NFIA: variants seen among roughly 807,000 people sequenced by gnomAD.
NFIA encodes nuclear factor 1 A-type.
Under a neutral mutation model 62.8 loss-of-function variants are expected in NFIA, and 8 were observed. The ratio of observed to expected loss-of-function variants is 0.13; its 90% CI spans 0.07 to 0.23. The LOEUF (loss-of-function observed/expected upper bound fraction) is 0.23, where lower values mean the gene tolerates loss of function less well. Ranked by LOEUF, NFIA falls within the 10% of genes least tolerant of loss-of-function variation. NFIA has a pLI of 1.00. For synonymous variants in NFIA, 235 were observed against 238.1 expected (o/e 0.99, Z 0.12); for missense variants, 410 against 642.1 (o/e 0.64, Z 3.91).
chr1:61,397,011 AAATAAT>A (rs1553181921), intron 7 of NFIA, among the ~76,000 whole-genome samples: 1 of 151,568 alleles, frequency 6.6e-6, no homozygotes, highest in Non-Finnish European at 1.5e-5. Context: ...CCAAAAAAAA[AAATAAT>A]AATAATAATG....
intron 10 of NFIA, 138 bp from the exon 11 acceptor site, chr1:61,455,165 G>T: frequency 1.3e-6 from 1 of 743,922 alleles, no homozygotes; most frequent in Admixed American, 2.6e-5. Flanking sequence ...TTTATTGTCT[G>T]TCGTGCCTTT....
At chr1:61,317,831 A>G (rs1660450793) in intron 3 of NFIA, among the ~76,000 whole-genome samples, 1 of 152,190 alleles carries the variant, frequency 6.6e-6, no homozygotes, top group South Asian at 2.1e-4. Flanking sequence ...TCATTTTTTG[A>G]ACACATTCTG....
At chr1:61,345,647 T>C (rs969067075) in intron 4 of NFIA, among the ~76,000 whole-genome samples, 2 of 152,048 alleles carry the variant, frequency 1.3e-5, no homozygotes, top group African/African-American at 4.8e-5. Flanking sequence ...AGCATTAGAT[T>C]CTCCTAGGAA....
chr1:61,145,019 T>G (rs773260563), intron 2 of NFIA, among the ~76,000 whole-genome samples: 1 of 152,188 alleles, frequency 6.6e-6, no homozygotes, highest in Non-Finnish European at 1.5e-5. Context: ...GCCTTCCCCT[T>G]TACCTCTTAA....
chr1:61,269,921 C>T (rs1174326482), intron 2 of NFIA, among the ~76,000 whole-genome samples: 1 of 152,180 alleles, frequency 6.6e-6, no homozygotes, highest in South Asian at 2.1e-4. Flanking sequence ...TACTTCCTGG[C>T]TTAGACAAAG....
chr1:61,245,740 G>A (rs1030872020), intron 2 of NFIA, among the ~76,000 whole-genome samples: 1 of 151,790 alleles, frequency 6.6e-6, no homozygotes, highest in Non-Finnish European at 1.5e-5. Flanking sequence ...TCCTCTCTGT[G>A]TATCTACTTC....
At chr1:61,178,816 G>A (rs75453241) in intron 2 of NFIA, among the ~76,000 whole-genome samples, 23,596 of 152,180 alleles carry the variant, frequency 0.16, 2,762 homozygotes, top group African/African-American at 0.31. Context: ...AAGGTTTTGA[G>A]TGCAAGTATT....
chr1:61,226,385 C>T (rs1478707792), intron 2 of NFIA, among the ~76,000 whole-genome samples: 2 of 152,176 alleles, frequency 1.3e-5, no homozygotes, highest in East Asian at 3.8e-4. Flanking sequence ...CAAAATGTAT[C>T]TGCTGTCCAC....
chr1:61,247,230 C>T (rs987721969), intron 2 of NFIA, among the ~76,000 whole-genome samples: 20 of 152,186 alleles, frequency 1.3e-4, no homozygotes, highest in African/African-American at 4.3e-4. Context: ...AACCCAAGTT[C>T]ATCACCTGAA....
intron 4 of NFIA, among the ~76,000 whole-genome samples, chr1:61,344,163 C>G (rs115355842): frequency 0.018 from 2,762 of 152,226 alleles, 75 homozygotes; most frequent in African/African-American, 0.06. Flanking sequence ...AATTACTTTC[C>G]AAGTTAATTC....
At position 61,088,644 on chromosome 1, in the gene NFIA, C is replaced by T. The variant is rs374849949; in HGVS notation, c.523C>T (p.Leu175Phe). The T allele has an allele frequency of 1.3e-4, 206 of 1,613,716 alleles. No individual in the cohort carries two copies. Among genetic ancestry groups the T allele is most frequent in the Non-Finnish European group, 1.7e-4 (197 of 1,179,894 alleles). The change falls in exon 2 of 11, where the codon CTC (leucine) becomes TTC (phenylalanine). Residue 175 changes from leucine to phenylalanine, a missense_variant. Leu to Phe is a conservative substitution (Grantham distance 22). Transcript: ENST00000403491. This position sits in a 1 kb window ranked among gnomAD's most constrained non-coding sequence, Gnocchi z 4.5. ...PHHIGVSVKE[L>F]DLYLAYFVHA... ...TCACATAGGGGTTTCTGTTAAGGAACTCGATTTATATTTGGCATACTTTGT... is the reference window on the plus strand; with the variant it reads ...TCACATAGGGGTTTCTGTTAAGGAATTCGATTTATATTTGGCATACTTTGT...
At chr1:61,306,353 G>A (rs182556971) in intron 3 of NFIA, among the ~76,000 whole-genome samples, 3 of 127,932 alleles carry the variant, frequency 2.3e-5, no homozygotes, top group Non-Finnish European at 3.1e-5. Flanking sequence ...CTCTGCTCAC[G>A]CAACCTCCCC....
chr1:61,127,259 C>A (rs1646992079), intron 2 of NFIA, among the ~76,000 whole-genome samples: 1 of 151,558 alleles, frequency 6.6e-6, no homozygotes. Flanking sequence ...AGATCGAGAC[C>A]ATCCTGGCTA....
At chr1:61,262,536 G>T (rs1471766591) in intron 2 of NFIA, among the ~76,000 whole-genome samples, 2 of 152,200 alleles carry the variant, frequency 1.3e-5, no homozygotes, top group African/African-American at 2.4e-5. Flanking sequence ...ATCTACAATG[G>T]TGTAGACGTG....
chr1:61,334,519 TTGTG>T (rs1200422267), intron 4 of NFIA, among the ~76,000 whole-genome samples: 2 of 125,920 alleles, frequency 1.6e-5, no homozygotes, highest in African/African-American at 6.0e-5. Flanking sequence ...TGGGGAGTAT[TTGTG>T]TGTGTGTATA....
At chr1:61,372,630 A>G (rs540695313) in intron 6 of NFIA, among the ~76,000 whole-genome samples, 4 of 151,276 alleles carry the variant, frequency 2.6e-5, no homozygotes, top group South Asian at 2.1e-4. Flanking sequence ...AAAATGACTC[A>G]TGTAGTTGTG....
chr1:61,437,324 G>T (rs1667375007), intron 10 of NFIA, among the ~76,000 whole-genome samples: 1 of 152,090 alleles, frequency 6.6e-6, no homozygotes. Flanking sequence ...AACATAGTAG[G>T]TCTAATAAGG....
intron 10 of NFIA, among the ~76,000 whole-genome samples, chr1:61,435,516 A>G (rs1354479306): frequency 2.6e-5 from 4 of 152,164 alleles, no homozygotes; most frequent in African/African-American, 9.7e-5. Flanking sequence ...CTCTGACGGC[A>G]AGATGGCTGC....
chr1:61,438,998 GACACAC>G (rs3076170), intron 10 of NFIA, among the ~76,000 whole-genome samples: 6,372 of 141,930 alleles, frequency 0.045, 181 homozygotes, highest in Non-Finnish European at 0.062. Context: ...CATGCATGCA[GACACAC>G]ACACACACAC....
Sources: allele counts gnomAD v4.1 joint callset (sites outside exome capture counted in the v4.1 genomes callset), GRCh38; gene constraint gnomAD v4.1.1; non-coding constraint Gnocchi (gnomAD v3.1); transcripts MANE v1.5; gene names NCBI Gene and HGNC (gene_info 2026-07-23, HGNC 2026-07-21).